TRIM6: variants seen among roughly 807,000 people sequenced by gnomAD.
The protein encoded by TRIM6 is tripartite motif containing 6, also known as tripartite motif-containing protein 6.
A neutral mutation model predicts 51.2 loss-of-function variants in TRIM6; 43 were observed. The ratio of observed to expected loss-of-function variants is 0.84; its 90% CI spans 0.66 to 1.08. TRIM6 has a LOEUF of 1.08. Among genes scored for constraint, TRIM6 ranks in the 50% least tolerant of loss-of-function variants. The pLI is 0.00. For missense variants in TRIM6, 669 were observed against 619.0 expected (o/e 1.08, Z -0.86); for synonymous variants, 215 against 232.4 (o/e 0.93, Z 0.68).
At position 5,605,463 on chromosome 11, in the gene TRIM6, A is replaced by G; in HGVS notation, c.730A>G (p.Ile244Val). The G allele has an allele frequency of 6.2e-7, 1 of 1,614,228 alleles. No homozygotes were observed. The highest frequency in any genetic ancestry group is 8.5e-7 in the Non-Finnish European group (1 of 1,180,038). ...GGAAGAGAAGAAGGGGCTACGAATT[A>G]TAGAAGAGGCTGAGAATGATCTGGT... ...EQEEKKGLRI[I>V]EEAENDLVHQ... is the part of the protein sequence containing the mutation. Residue 244 changes from isoleucine (I) to valine (V), a missense_variant, in exon 4 of 8, where the codon ATA (isoleucine) becomes GTA (valine). Ile to Val is a conservative substitution (Grantham distance 29). Coordinates refer to ENST00000380097, the MANE Select transcript of TRIM6 (RefSeq NM_001003818.3).
Position 5,603,392 on chromosome 11 carries a change from G to T in TRIM6, c.164G>T (p.Ser55Ile), listed in dbSNP as rs151130254. 1,020 of 1,613,978 alleles carry T rather than the reference G, an allele frequency of 6.3e-4. 1 individual carries two copies. Among genetic ancestry groups the T allele is most frequent in the Non-Finnish European group, 8.2e-4 (969 of 1,180,038 alleles). ...CTGGAGCTCCTAACAGAACCCCTGA[G>T]CATAGACTGTGGCCACAGCTTCTGC... ...ICLELLTEPL[S>I]IDCGHSFCQA... is the part of the protein sequence containing the mutation. The change falls in exon 2 of 8, where the codon AGC becomes ATC. Residue 55 changes from serine to isoleucine, a missense_variant. Transcript: ENST00000380097.
rs994218605 is a variant in TRIM6 at position 5,596,657 on chromosome 11, C to T, written c.-241C>T. 6 of 525,236 alleles carry T rather than the reference C, an allele frequency of 1.1e-5. No individual in the cohort carries two copies. The Admixed American group carries it at 1.6e-4, about 14-fold the overall frequency. 32.5% of individuals were successfully genotyped at this position (525,236 alleles called of 1,614,324 possible). ...CTCCCAGAAGGAGTTGGGAGATGAG[C>T]CTTCCGCAAACTCCTGACCTGTGGG... is the stretch of plus-strand genomic sequence containing the variant. On this transcript the variant is annotated 5_prime_UTR_variant, in exon 1 of 8. Transcript: ENST00000380097.
Position 5,605,390 on chromosome 11 carries a change from A to C in TRIM6, c.657A>C (p.Arg219=). 6.2e-7 allele frequency: 1 copy of C among 1,614,184 alleles called. No homozygotes were observed. Among genetic ancestry groups the C allele is most frequent in the Non-Finnish European group, 8.5e-7 (1 of 1,180,030 alleles). The part of the protein sequence containing the change: ...CRIQTEFNQL[R]NILDRVEQRE... The stretch of plus-strand genomic sequence containing the variant: ...TCCAGACAGAGTTTAATCAGCTGCG[A>C]AATATCCTAGACAGAGTGGAGCAAC... The change falls in exon 4 of 8, where the codon CGA becomes CGC. Residue 219 remains arginine, a synonymous_variant. Coordinates refer to ENST00000380097, the MANE Select transcript of TRIM6 (RefSeq NM_001003818.3).
Position 5,603,755 on chromosome 11 carries a change from T to G in TRIM6, c.507+20T>G. The stretch of plus-strand genomic sequence containing the variant: ...TACCAGGTGAGACCCCAGGATGGAA[T>G]GGGAGACAGAGAAACAGGGTCTTTG... On this transcript the variant is annotated intron_variant, in intron 2 of 7. Coordinates refer to ENST00000380097, the MANE Select transcript of TRIM6 (RefSeq NM_001003818.3). 1 of 1,609,898 alleles carries G rather than the reference T, an allele frequency of 6.2e-7. No individual in the cohort carries two copies. The highest frequency in any genetic ancestry group is 8.5e-7 in the Non-Finnish European group (1 of 1,177,276).
chr11:5,599,380 A>ATT (rs1403467583), intron 1 of TRIM6, among the ~76,000 whole-genome samples: 120 of 99,236 alleles, frequency 1.2e-3, no homozygotes, highest in African/African-American at 2.1e-3. Context: ...CAATACAATT[A>ATT]TTATATTTAT....
intron 4 of TRIM6, among the ~76,000 whole-genome samples, chr11:5,607,671 C>G (rs1342499235): frequency 6.6e-6 from 1 of 152,088 alleles, no homozygotes; most frequent in African/African-American, 2.4e-5. Flanking sequence ...GATAGGATGC[C>G]AGGGTGAATA....
At chr11:5,605,618 A>C in intron 4 of TRIM6, 51 bp downstream of exon 4, 2 of 1,548,660 alleles carry the variant, frequency 1.3e-6, no homozygotes, top group Non-Finnish European at 1.7e-6. Flanking sequence ...AAGAGAAACT[A>C]ACTTTCCTTC....
chr11:5,607,141 G>T (rs779065974), intron 4 of TRIM6, among the ~76,000 whole-genome samples: 55 of 151,972 alleles, frequency 3.6e-4, no homozygotes, highest in African/African-American at 8.2e-4. Flanking sequence ...GAGGCGGAGC[G>T]TGCAGTGAGC....
At chr11:5,610,046 G>A in intron 5 of TRIM6, 99 bp from the exon 6 acceptor site, 1 of 1,243,174 alleles carries the variant, frequency 8.0e-7, no homozygotes, top group Non-Finnish European at 1.1e-6. Context: ...TCAGAAAGGA[G>A]GATTGGAATT....
At chr11:5,609,487 T>C (rs1255146361) in intron 5 of TRIM6, among the ~76,000 whole-genome samples, 2 of 152,216 alleles carry the variant, frequency 1.3e-5, no homozygotes, top group African/African-American at 2.4e-5. Context: ...TGATTTTAAA[T>C]ATTTTATATC....
chr11:5,603,813 A>G, intron 2 of TRIM6, 78 bp downstream of exon 2: 1 of 1,541,168 alleles, frequency 6.5e-7, no homozygotes, highest in Non-Finnish European at 8.7e-7. Flanking sequence ...GCTCTGATCT[A>G]ATCTCTTTGT....
intron 1 of TRIM6, among the ~76,000 whole-genome samples, chr11:5,602,812 G>A (rs1035287885): frequency 1.3e-5 from 2 of 151,700 alleles, no homozygotes; most frequent in Non-Finnish European, 2.9e-5. Flanking sequence ...AAACTAGCCA[G>A]GTGTTGTGGC....
At chr11:5,609,994 G>T (rs971626209) in intron 5 of TRIM6, 151 bp from the exon 6 acceptor site, 35 of 705,236 alleles carry the variant, frequency 5.0e-5, no homozygotes, top group Non-Finnish European at 8.2e-5. Flanking sequence ...AGCTCTTCTG[G>T]CTCCAGTGCC....
intron 2 of TRIM6, among the ~76,000 whole-genome samples, chr11:5,604,029 T>C (rs577160480): frequency 1.3e-5 from 2 of 152,224 alleles, no homozygotes; most frequent in South Asian, 4.2e-4. Flanking sequence ...GGCGTCTCGC[T>C]CTGTCGCCCA....
chr11:5,605,048 T>C (rs1848123818), intron 3 of TRIM6: 3 of 488,670 alleles, frequency 6.1e-6, no homozygotes, highest in East Asian at 7.9e-5. Context: ...AAGAGGAGGC[T>C]GATGCAGAGG....
At chr11:5,605,824 T>A (rs6578666) in intron 4 of TRIM6, among the ~76,000 whole-genome samples, 103,445 of 152,150 alleles carry the variant, frequency 0.68, 36,383 homozygotes, top group African/African-American at 0.86. Context: ...TGTGGAGAAG[T>A]TCTGTTGTAT....
chr11:5,611,148 T>C lies in TRIM6; in HGVS notation c.1357T>C (p.Ser453Pro), dbSNP rs773960502. 1.2e-6 allele frequency: 2 copies of C among 1,614,186 alleles called. No individual in the cohort carries two copies. Among genetic ancestry groups the C allele is most frequent in the South Asian group, 2.2e-5 (2 of 91,086 alleles). ...GGATTCTTCCCCTTCCCTGCTTCTC[T>C]CCATGACAGTGCCCCCTCGCCGTGT... Reference protein sequence around the residue: ...YEDSSPSLLLSMTVPPRRVGV... With the variant: ...YEDSSPSLLLPMTVPPRRVGV... Residue 453 changes from serine (S) to proline (P), a missense_variant, in exon 8 of 8, where the codon TCC becomes CCC. By Grantham distance (74) the Ser-to-Pro change is moderately conservative (BLOSUM62 -1). Coordinates refer to ENST00000380097, the MANE Select transcript of TRIM6 (RefSeq NM_001003818.3).
intron 4 of TRIM6, 65 bp from the exon 5 acceptor site, chr11:5,608,307 A>T: frequency 6.2e-7 from 1 of 1,603,388 alleles, no homozygotes; most frequent in Non-Finnish European, 8.5e-7. Context: ...GGGACATGGA[A>T]GGAGAAATGT....
At chr11:5,603,850 C>G in intron 2 of TRIM6, 115 bp downstream of exon 2, 3 of 1,458,378 alleles carry the variant, frequency 2.1e-6, no homozygotes, top group Admixed American at 5.5e-5. Context: ...GAGAATGAAC[C>G]TGGAAACTGC....
Sources: allele counts gnomAD v4.1 joint callset (sites outside exome capture counted in the v4.1 genomes callset), GRCh38; gene constraint gnomAD v4.1.1; transcripts MANE v1.5; gene names NCBI Gene and HGNC (gene_info 2026-07-23, HGNC 2026-07-21).